MYO16: variants seen among roughly 807,000 people sequenced by gnomAD.
MYO16 encodes the protein unconventional myosin-XVI.
In MYO16, 94 loss-of-function variants were observed where a neutral mutation model predicts 205.3. The observed-to-expected ratio is 0.46, with a 90% CI of 0.39 to 0.54. The LOEUF (loss-of-function observed/expected upper bound fraction) is 0.54, where lower values mean the gene tolerates loss of function less well. Among genes scored for constraint, MYO16 ranks in the 20% least tolerant of loss-of-function variants. MYO16 has a pLI of 0.00. For synonymous variants in MYO16, 988 were observed against 954.0 expected (o/e 1.04, Z -0.66); for missense variants, 2,315 against 2,387.5 (o/e 0.97, Z 0.63).
At chr13:109,117,484 A>ATATATATGTAATATATATG (rs1315388957) in intron 28 of MYO16, among the ~76,000 whole-genome samples, 2 of 148,078 alleles carry the variant, frequency 1.4e-5, no homozygotes, top group Non-Finnish European at 3.0e-5. Flanking sequence ...ATGTATATGT[A>ATATATATGTAATATATATG]TATATATGTA....
chr13:108,579,468 T>C, the MYO16 span, among the ~76,000 whole-genome samples: 1 of 139,076 alleles, frequency 7.2e-6, no homozygotes, highest in African/African-American at 2.6e-5. Context: ...TGAGATGGAG[T>C]CTCACTCTGT....
chr13:108,754,214 C>G, intron 4 of MYO16, among the ~76,000 whole-genome samples: 1 of 151,902 alleles, frequency 6.6e-6, no homozygotes, highest in South Asian at 2.1e-4. Context: ...GCATGCAAGA[C>G]AAGCTGTAGC....
At chr13:108,700,877 T>C (rs977285969) in intron 2 of MYO16, among the ~76,000 whole-genome samples, 6 of 152,278 alleles carry the variant, frequency 3.9e-5, no homozygotes, top group Admixed American at 3.9e-4. Context: ...ATAAGATACC[T>C]GGGAAGACCC....
intron 21 of MYO16, among the ~76,000 whole-genome samples, chr13:108,997,821 A>G (rs904133762): frequency 2.0e-5 from 3 of 152,168 alleles, no homozygotes; most frequent in Non-Finnish European, 4.4e-5. Context: ...CTGGGCAACA[A>G]GAGTGAAAGT....
chr13:108,570,327 C>T, the MYO16 span, among the ~76,000 whole-genome samples: 2 of 152,082 alleles, frequency 1.3e-5, no homozygotes, highest in African/African-American at 4.8e-5. Flanking sequence ...TAGCTCACTG[C>T]AGACTCAAAC....
intron 4 of MYO16, 25 bp downstream of exon 4, chr13:108,727,608 A>T (rs753110255): frequency 8.8e-6 from 14 of 1,590,720 alleles, no homozygotes; most frequent in Non-Finnish European, 1.2e-5. Context: ...TCAGTTTACC[A>T]TTTGAAGATT....
chr13:109,048,375 A>G (rs765010935), intron 24 of MYO16: 20 of 757,870 alleles, frequency 2.6e-5, no homozygotes, highest in Non-Finnish European at 4.4e-5. Context: ...AGAATTTACA[A>G]TGTACCCTTT....
rs557217326 is a variant in MYO16 at position 108,985,229 on chromosome 13, C to T, written c.2370-7147C>T. Among the ~76,000 whole-genome samples, 41 of 152,298 alleles carry T rather than the reference C, an allele frequency of 2.7e-4. 1 individual carries two copies. The highest frequency in any genetic ancestry group is 8.8e-5 in the Non-Finnish European group (6 of 68,024). On this transcript the variant is annotated intron_variant, in intron 20 of 34. Coordinates refer to ENST00000457511, the MANE Select transcript of MYO16 (RefSeq NM_001198950.3). ...GTAGTGGACAGCTGAGTTGACTTCA[C>T]GTGCTGCTGTTGTTTGGGTTTTTTA...
chr13:108,772,804 T>C (rs937893614), intron 4 of MYO16, among the ~76,000 whole-genome samples: 5 of 152,084 alleles, frequency 3.3e-5, no homozygotes, highest in Admixed American at 2.6e-4. Context: ...AGTTCAAAAA[T>C]TGTGCATGTG....
intron 1 of MYO16, among the ~76,000 whole-genome samples, chr13:108,665,669 T>C (rs1881689827): frequency 1.3e-5 from 2 of 152,170 alleles, no homozygotes; most frequent in Admixed American, 1.3e-4. Context: ...CATGTCTAAT[T>C]CCATCATTTG....
chr13:108,999,864 A>G (rs1212012290), intron 21 of MYO16, among the ~76,000 whole-genome samples: 2 of 152,168 alleles, frequency 1.3e-5, no homozygotes, highest in Non-Finnish European at 2.9e-5. Flanking sequence ...ACTTCACTTG[A>G]TGCCCCTTTT....
chr13:108,760,243 G>T (rs1885561021), intron 4 of MYO16, among the ~76,000 whole-genome samples: 1 of 152,100 alleles, frequency 6.6e-6, no homozygotes, highest in Admixed American at 6.6e-5. Flanking sequence ...ATTTAGGCTG[G>T]ACCTATTTCT....
intron 24 of MYO16, among the ~76,000 whole-genome samples, chr13:109,050,832 T>C (rs1349729827): frequency 6.6e-6 from 1 of 152,114 alleles, no homozygotes; most frequent in African/African-American, 2.4e-5. Flanking sequence ...CCTTCAAAGC[T>C]AGCTCCTATT....
chr13:108,716,805 C>T (rs186916736), intron 3 of MYO16, among the ~76,000 whole-genome samples: 1 of 152,224 alleles, frequency 6.6e-6, no homozygotes, highest in East Asian at 1.9e-4. Flanking sequence ...AACTCAATTG[C>T]TATTAAAGGT....
chr13:109,019,534 A>G (rs188275585), intron 22 of MYO16, among the ~76,000 whole-genome samples, 177 bp from the exon 23 acceptor site: 1 of 152,310 alleles, frequency 6.6e-6, no homozygotes, highest in East Asian at 1.9e-4. Flanking sequence ...CCTACTTTAC[A>G]TCAGAGCCCT....
rs369080932 is a variant in MYO16 at position 108,864,692 on chromosome 13, A to C, written c.1360-1485A>C. On this transcript the variant is annotated intron_variant, in intron 11 of 34. Coordinates refer to ENST00000457511, the MANE Select transcript of MYO16 (RefSeq NM_001198950.3). ...GACAGGCATGCACCACCATGCCCAGATAATTAAAAAAAAAAATTGTAGAGA... is the reference window on the plus strand; with the variant it reads ...GACAGGCATGCACCACCATGCCCAGCTAATTAAAAAAAAAAATTGTAGAGA... Among the ~76,000 whole-genome samples the C allele has an allele frequency of 5.9e-5, 9 of 151,698 alleles. No homozygotes were observed. In the South Asian group the frequency reaches 8.3e-4, roughly 14 times the overall value.
intron 16 of MYO16, 58 bp from the exon 17 acceptor site, chr13:108,957,630 A>C: frequency 8.2e-7 from 1 of 1,218,338 alleles, no homozygotes; most frequent in Non-Finnish European, 1.2e-6. Context: ...GTGACTTTTA[A>C]CCACAGAAGT....
chr13:108,770,652 G>C (rs569551794), intron 4 of MYO16, among the ~76,000 whole-genome samples: 2 of 152,164 alleles, frequency 1.3e-5, no homozygotes, highest in Non-Finnish European at 2.9e-5. Context: ...TGAAGCCACT[G>C]AGGAAATAAT....
intron 1 of MYO16, among the ~76,000 whole-genome samples, chr13:108,598,963 C>T (rs1436052276): frequency 1.3e-5 from 2 of 149,826 alleles, no homozygotes; most frequent in Non-Finnish European, 3.0e-5. Flanking sequence ...CGTCATTTAG[C>T]ATTAGGTATA....
Sources: gnomAD v4.1 joint callset for allele counts (sites outside exome capture counted in the v4.1 genomes callset) on GRCh38, gnomAD v4.1.1 for gene constraint, MANE v1.5 for transcripts, NCBI Gene and HGNC (gene_info 2026-07-23, HGNC 2026-07-21) for gene names.